The following TECTA variants were observed in gnomAD, a reference collection of about 807,000 sequenced individuals.
The protein encoded by TECTA is alpha-tectorin.
A neutral mutation model predicts 216.8 loss-of-function variants in TECTA; 128 were observed. The ratio of observed to expected loss-of-function variants is 0.59; its 90% confidence interval spans 0.51 to 0.68. The LOEUF (loss-of-function observed/expected upper bound fraction) is 0.68. TECTA is among the 30% of genes least tolerant of loss of function. TECTA has a pLI of 0.00. For missense variants in TECTA, 2,551 were observed against 2,786.2 expected, an observed-to-expected ratio of 0.92 and a Z score of 1.90; for synonymous variants, 1,089 against 1,117.1, an observed-to-expected ratio of 0.97 and a Z score of 0.50.
In TECTA at chr11:121,157,461, C is replaced by T. The variant is rs527313563; in HGVS notation, c.4306-380C>T. 5.4e-4 allele frequency among the ~76,000 whole-genome samples: 82 copies of T among 152,112 alleles called. 1 individual carries two copies. The highest frequency in any genetic ancestry group is 1.5e-3 in the South Asian group (7 of 4,806). On this transcript the variant is annotated intron_variant, in intron 13 of 23. Transcript: ENST00000392793. ...TACAAAAATTAGCTGGGTGTGGTGGCGTGTGCTTATAGTTCCAGCTACTAG... is the reference window on the plus strand; with the variant it reads ...TACAAAAATTAGCTGGGTGTGGTGGTGTGTGCTTATAGTTCCAGCTACTAG...
Position 121,145,573 on chromosome 11 carries a change from T to C in TECTA, c.3562T>C (p.Tyr1188His). 2 of 1,614,230 alleles carry C rather than the reference T, an allele frequency of 1.2e-6. No individual in the cohort carries two copies. The highest frequency in any genetic ancestry group is 1.7e-6 in the Non-Finnish European group (2 of 1,180,040). ...HTVLVNSERL[Y>H]LPLKLGQGKI... ...CTTACAGGTCAACAGTGAACGGCTC[T>C]ATCTGCCCCTGAAGCTGGGGCAAGG... is the stretch of plus-strand genomic sequence containing the variant. The change falls in exon 12 of 24, where the codon TAT becomes CAT. Residue 1188 changes from tyrosine (Y) to histidine (H), a missense_variant. Around this residue, in one of 3 missense-constraint regions of TECTA, gnomAD observed 2,375 missense variants for 2,563.9 expected, o/e 0.93. Coordinates refer to ENST00000392793, the MANE Select transcript of TECTA (RefSeq NM_005422.4).
At chr11:121,154,853 T>G (rs1403963106) in intron 13 of TECTA, among the ~76,000 whole-genome samples, 1 of 152,224 alleles carries the variant, frequency 6.6e-6, no homozygotes, top group East Asian at 1.9e-4. Context: ...GTTGTTTTGT[T>G]ATTCTCTTGA....
intron 12 of TECTA, among the ~76,000 whole-genome samples, chr11:121,149,859 T>C (rs1946873233): frequency 6.6e-6 from 1 of 152,212 alleles, no homozygotes; most frequent in Non-Finnish European, 1.5e-5. Context: ...AGCGGATCAG[T>C]TCTAGGAATC....
chr11:121,149,992 A>C (rs1342931539), intron 12 of TECTA, among the ~76,000 whole-genome samples: 1 of 152,236 alleles, frequency 6.6e-6, no homozygotes, highest in Non-Finnish European at 1.5e-5. Flanking sequence ...TTGGAGAAAT[A>C]GACCCATGTG....
In TECTA at chr11:121,164,562, A is replaced by G. The variant is rs375125646; in HGVS notation, c.5273-711A>G. 4.6e-5 allele frequency among the ~76,000 whole-genome samples: 7 copies of G among 152,342 alleles called. No homozygotes were observed. In the East Asian group the frequency reaches 9.7e-4, roughly 21 times the overall value. On this transcript the variant is annotated intron_variant, in intron 16 of 23. Transcript: ENST00000392793. ...CTGTTACAGAAATATTGTTCATAAT[A>G]ACATCGTGATGATACTCCACATAAC...
At chr11:121,141,913 A>ATGT (rs1354721289) in intron 11 of TECTA, among the ~76,000 whole-genome samples, 1 of 152,210 alleles carries the variant, frequency 6.6e-6, no homozygotes, top group African/African-American at 2.4e-5. Flanking sequence ...TGCTGCAAAA[A>ATGT]TGTTGCTCAT....
At chr11:121,155,752 C>T (rs1180661437) in intron 13 of TECTA, among the ~76,000 whole-genome samples, 1 of 152,178 alleles carries the variant, frequency 6.6e-6, no homozygotes, top group African/African-American at 2.4e-5. Context: ...ATCTCTATGA[C>T]ACAGTCTATT....
intron 10 of TECTA, among the ~76,000 whole-genome samples, chr11:121,133,684 C>G (rs145476930): frequency 6.6e-6 from 1 of 152,216 alleles, no homozygotes; most frequent in African/African-American, 2.4e-5. Flanking sequence ...GGATCTTCAG[C>G]TGTGCATCTC....
At chr11:121,146,174 A>G in intron 12 of TECTA, 58 bp downstream of exon 12, 1 of 1,589,598 alleles carries the variant, frequency 6.3e-7, no homozygotes, top group South Asian at 1.1e-5. Context: ...TTGCTCTGGG[A>G]AGGCCAGTCT....
At chr11:121,130,506 T>G (rs1187305238) in intron 10 of TECTA, among the ~76,000 whole-genome samples, 1 of 152,192 alleles carries the variant, frequency 6.6e-6, no homozygotes, top group African/African-American at 2.4e-5. Flanking sequence ...GTCAAAGGAC[T>G]AGAAATCTTT....
intron 20 of TECTA, among the ~76,000 whole-genome samples, chr11:121,182,788 A>T (rs558020662): frequency 6.6e-5 from 10 of 152,064 alleles, no homozygotes; most frequent in African/African-American, 2.4e-4. Context: ...GAAGATGTGT[A>T]TGGGAGCCAG....
At chr11:121,115,941 G>A (rs1946497656) in intron 6 of TECTA, among the ~76,000 whole-genome samples, 1 of 152,160 alleles carries the variant, frequency 6.6e-6, no homozygotes, top group Non-Finnish European at 1.5e-5. Flanking sequence ...AAAGGTGTGA[G>A]CCACTGCACC....
Position 121,129,609 on chromosome 11 carries a change from G to A in TECTA, c.2368-29G>A, listed in dbSNP as rs550937074. 3.7e-6 allele frequency: 6 copies of A among 1,609,800 alleles called. No homozygotes were observed. The African/African-American group carries it at 8.0e-5, about 21-fold the overall frequency. On this transcript the variant is annotated intron_variant, in intron 9 of 23. Coordinates refer to ENST00000392793, the MANE Select transcript of TECTA (RefSeq NM_005422.4). ...ATGGAAAGTGCTCTGTGTGTCTCTGGAATTGATAAGAATGACTTGATTTTT... is the reference window on the plus strand; with the variant it reads ...ATGGAAAGTGCTCTGTGTGTCTCTGAAATTGATAAGAATGACTTGATTTTT...
intron 1 of TECTA, 32 bp from the exon 2 acceptor site, chr11:121,102,632 GA>G (rs763424515): frequency 1.3e-6 from 2 of 1,563,540 alleles, no homozygotes; most frequent in Non-Finnish European, 1.8e-6. Context: ...GCAAGCTGGG[GA>G]TTTTTTTTTC....
intron 8 of TECTA, among the ~76,000 whole-genome samples, chr11:121,126,782 C>A (rs1946616893): frequency 1.3e-5 from 2 of 152,176 alleles, no homozygotes; most frequent in Admixed American, 1.3e-4. Flanking sequence ...ACAATACAAG[C>A]AACTGTATTC....
At chr11:121,109,117 A>AT in intron 3 of TECTA, 94 bp from the exon 4 acceptor site, 1 of 1,421,424 alleles carries the variant, frequency 7.0e-7, no homozygotes, top group Non-Finnish European at 9.8e-7. Flanking sequence ...AGTTGTTTTC[A>AT]TTCATACAGT....
chr11:121,172,100 T>C (rs1267138115), intron 20 of TECTA, among the ~76,000 whole-genome samples: 1 of 152,224 alleles, frequency 6.6e-6, no homozygotes, highest in Non-Finnish European at 1.5e-5. Flanking sequence ...AGAATTTTTA[T>C]CATAAAGGGA....
chr11:121,109,833 TTAGGGACCCATC>T (rs1336358584), intron 4 of TECTA: 1 of 347,008 alleles, frequency 2.9e-6, no homozygotes, highest in African/African-American at 2.1e-5. Context: ...GGCCACATGC[TTAGGGACCCATC>T]TAGGGACCCA....
Position 121,166,785 on chromosome 11 carries a change from GAA to G in TECTA, c.5586+8_5586+9del. ...AATTGTGGAAACATTGTGCAGGTGA[GAA>G]AAGCAGCAGGAAAGAGCACCTGGCA... On this transcript the variant is annotated splice_donor_region_variant and intron_variant, in intron 18 of 23. Coordinates refer to ENST00000392793, the MANE Select transcript of TECTA (RefSeq NM_005422.4). The G allele has an allele frequency of 1.2e-6, 2 of 1,613,528 alleles. No homozygotes were observed. Among genetic ancestry groups the G allele is most frequent in the Non-Finnish European group, 1.7e-6 (2 of 1,179,986 alleles).
Sources: gnomAD v4.1 joint callset for allele counts (sites outside exome capture counted in the v4.1 genomes callset) on GRCh38, gnomAD v4.1.1 for gene constraint, gnomAD v4.1.1 regional missense constraint, MANE v1.5 for transcripts, NCBI Gene and HGNC (gene_info 2026-07-23, HGNC 2026-07-21) for gene names.